Variants in TENM3 observed in about 807,000 individuals in gnomAD.
The protein encoded by TENM3 is teneurin transmembrane protein 3, also known as teneurin-3.
Under a neutral mutation model 255.1 loss-of-function variants are expected in TENM3, and 63 were observed. The observed-to-expected ratio is 0.25, with a 90% confidence interval of 0.20 to 0.30. The LOEUF is 0.30. Among genes scored for constraint, TENM3 ranks in the 10% least tolerant of loss-of-function variants. The pLI is 1.00. For missense variants in TENM3, 2,929 were observed against 3,461.1 expected, an observed-to-expected ratio of 0.85 and a Z score of 3.86; for synonymous variants, 1,306 against 1,322.3, an observed-to-expected ratio of 0.99 and a Z score of 0.27.
chr4:182,632,962 C>T (rs1182407497), intron 5 of TENM3, among the ~76,000 whole-genome samples: 1 of 152,114 alleles, frequency 6.6e-6, no homozygotes, highest in Admixed American at 6.5e-5. Flanking sequence ...CAAGATCTCA[C>T]TCTGTCTCAC....
intron 1 of TENM3, among the ~76,000 whole-genome samples, chr4:182,182,747 G>T (rs557815309): frequency 1.3e-5 from 2 of 152,274 alleles, no homozygotes; most frequent in East Asian, 3.9e-4. Context: ...CCTCTAAAAT[G>T]CCTGCCTTAT....
chr4:182,236,446 A>T (rs1002623812), intron 1 of TENM3, among the ~76,000 whole-genome samples: 1 of 152,222 alleles, frequency 6.6e-6, no homozygotes, highest in South Asian at 2.1e-4. Context: ...ATTAATTCTT[A>T]TAAACAGTTA....
chr4:181,697,733 A>ACTT, the TENM3 span, among the ~76,000 whole-genome samples: 1 of 152,112 alleles, frequency 6.6e-6, no homozygotes, highest in Non-Finnish European at 1.5e-5. Flanking sequence ...TACAAATCTC[A>ACTT]CTTCATTTAT....
the TENM3 span, among the ~76,000 whole-genome samples, chr4:182,111,011 C>T: frequency 0.082 from 12,458 of 152,100 alleles, 564 homozygotes; most frequent in East Asian, 0.12. Context: ...TTGAATGCTT[C>T]CATGTAAGTT....
upstream of TENM3, among the ~76,000 whole-genome samples, chr4:182,240,557 C>G (rs1379922618): frequency 6.6e-6 from 1 of 152,170 alleles, no homozygotes; most frequent in African/African-American, 2.4e-5. Context: ...GCATGCTGAT[C>G]TCAGAGTGAA....
chr4:182,706,026 CT>C (rs1758255770), intron 12 of TENM3, among the ~76,000 whole-genome samples: 2 of 152,176 alleles, frequency 1.3e-5, no homozygotes, highest in South Asian at 4.1e-4. Flanking sequence ...GGGTTTTAAG[CT>C]TATTTCCTTT....
At chr4:181,964,734 G>A in the TENM3 span, among the ~76,000 whole-genome samples, 234 of 152,214 alleles carry the variant, frequency 1.5e-3, no homozygotes, top group African/African-American at 5.3e-3. Flanking sequence ...GCAGGGATTC[G>A]GTTATAAAAC....
the TENM3 span, among the ~76,000 whole-genome samples, chr4:181,824,865 T>G: frequency 6.6e-6 from 1 of 152,182 alleles, no homozygotes; most frequent in Admixed American, 6.5e-5. Context: ...GGAAGCACAT[T>G]AAGTATTTCC....
intron 3 of TENM3, among the ~76,000 whole-genome samples, chr4:182,462,886 CAA>C (rs58892277): frequency 6.7e-6 from 1 of 148,380 alleles, no homozygotes; most frequent in Admixed American, 6.7e-5. Context: ...GACTCCATCT[CAA>C]AAAAAAAAGG....
chr4:182,707,390 G>T (rs989373123), intron 12 of TENM3, among the ~76,000 whole-genome samples: 5 of 152,094 alleles, frequency 3.3e-5, no homozygotes, highest in Non-Finnish European at 7.4e-5. Flanking sequence ...ATATGAGTGA[G>T]GCCCATCCTC....
At chr4:182,441,023 A>G (rs1368682052) in intron 3 of TENM3, among the ~76,000 whole-genome samples, 1 of 152,166 alleles carries the variant, frequency 6.6e-6, no homozygotes, top group African/African-American at 2.4e-5. Flanking sequence ...AAAACATTGT[A>G]ATGTATTACT....
the TENM3 span, among the ~76,000 whole-genome samples, chr4:181,492,249 G>T: frequency 6.6e-6 from 1 of 152,110 alleles, no homozygotes; most frequent in Admixed American, 6.6e-5. Flanking sequence ...ATAAAATTAA[G>T]CTTGTACACA....
the TENM3 span, among the ~76,000 whole-genome samples, chr4:181,649,767 AAAT>A: frequency 6.6e-6 from 1 of 152,188 alleles, no homozygotes; most frequent in African/African-American, 2.4e-5. Context: ...ACCTGGGGAT[AAAT>A]AATGTTTGAC....
At chr4:182,454,459 A>G (rs1456593345) in intron 3 of TENM3, among the ~76,000 whole-genome samples, 1 of 152,090 alleles carries the variant, frequency 6.6e-6, no homozygotes, top group Non-Finnish European at 1.5e-5. Context: ...GGGTCTTTTA[A>G]TGATGATGAT....
intron 22 of TENM3, among the ~76,000 whole-genome samples, chr4:182,758,325 T>C (rs1762878274): frequency 6.6e-6 from 1 of 152,014 alleles, no homozygotes; most frequent in Non-Finnish European, 1.5e-5. Context: ...CAAAAGGAAA[T>C]GCACAAAAAG....
the TENM3 span, among the ~76,000 whole-genome samples, chr4:181,825,426 A>C: frequency 3.9e-5 from 3 of 76,102 alleles, no homozygotes; most frequent in Non-Finnish European, 7.3e-5. Context: ...AAAAAAAAAA[A>C]CAGAGAATAG....
At chr4:182,607,851 C>T (rs1174055030) in intron 4 of TENM3, among the ~76,000 whole-genome samples, 2 of 152,174 alleles carry the variant, frequency 1.3e-5, no homozygotes, top group Non-Finnish European at 2.9e-5. Context: ...CACACATGAT[C>T]ATCTTAATTT....
chr4:181,626,865 G>A, the TENM3 span, among the ~76,000 whole-genome samples: 1 of 152,190 alleles, frequency 6.6e-6, no homozygotes, highest in Admixed American at 6.5e-5. Flanking sequence ...TCTAAGTGTT[G>A]CGTGAAAAAT....
intron 5 of TENM3, among the ~76,000 whole-genome samples, chr4:182,629,979 A>G (rs142697667): frequency 1.3e-5 from 2 of 152,212 alleles, no homozygotes; most frequent in Non-Finnish European, 1.5e-5. Flanking sequence ...CAAGTTATAC[A>G]GTATTTTTTC....
Sources: gnomAD v4.1 joint callset for allele counts (sites outside exome capture counted in the v4.1 genomes callset) on GRCh38, gnomAD v4.1.1 for gene constraint, MANE v1.5 for transcripts, NCBI Gene and HGNC (gene_info 2026-07-23, HGNC 2026-07-21) for gene names.